The following USP37 variants were observed in gnomAD, a reference collection of about 807,000 sequenced individuals.
USP37 encodes ubiquitin carboxyl-terminal hydrolase 37.
Under a neutral mutation model 124.0 loss-of-function variants are expected in USP37, and 27 were observed. The ratio of observed to expected loss-of-function variants is 0.22; its 90% CI spans 0.16 to 0.30. The LOEUF is 0.30. USP37 is among the 10% of genes least tolerant of loss of function. The pLI is 1.00. For synonymous variants in USP37, 365 were observed against 388.0 expected, an observed-to-expected ratio of 0.94 and a Z score of 0.70; for missense variants, 889 against 1,140.4, an observed-to-expected ratio of 0.78 and a Z score of 3.17.
At chr2:218,543,957 T>C (rs571225016) in intron 8 of USP37, among the ~76,000 whole-genome samples, 1 of 152,190 alleles carries the variant, frequency 6.6e-6, no homozygotes, top group African/African-American at 2.4e-5. Flanking sequence ...AAGAGTTAAC[T>C]AGAGAGTCAG....
chr2:218,451,155 G>T lies in USP37; in HGVS notation c.*3775C>A, dbSNP rs2106400016. 6.6e-6 allele frequency: 1 copy of T among 152,206 alleles called. No homozygotes were observed. The highest frequency in any genetic ancestry group is 1.9e-4 in the East Asian group (1 of 5,202). 9.4% of individuals were successfully genotyped at this position (152,206 alleles called of 1,614,324 possible). On this transcript the variant is annotated 3_prime_UTR_variant, in exon 26 of 26. Transcript: ENST00000258399. Reference sequence around the variant, plus strand: ...TGCAATAAAAAGATGTTGGAGGGCAGAAGTCTATTTAGTTTTTGTATACAC... The same window carrying T: ...TGCAATAAAAAGATGTTGGAGGGCATAAGTCTATTTAGTTTTTGTATACAC...
intron 24 of USP37, 105 bp downstream of exon 24, chr2:218,456,983 AAAAG>A: frequency 1.7e-6 from 2 of 1,173,032 alleles, no homozygotes; most frequent in Non-Finnish European, 2.4e-6. Context: ...AAAAAAAAGA[AAAAG>A]AAAAAGAAAA....
At chr2:218,543,160 G>A (rs750223338) in intron 8 of USP37, among the ~76,000 whole-genome samples, 20 of 152,102 alleles carry the variant, frequency 1.3e-4, no homozygotes, top group Non-Finnish European at 2.6e-4. Flanking sequence ...TCCTATTTGA[G>A]ACATATAAAT....
Position 218,563,782 on chromosome 2 carries a change from G to A in USP37, c.-229-969C>T, listed in dbSNP as rs567947436. Among the ~76,000 whole-genome samples the A allele has an allele frequency of 2.5e-3, 379 of 152,248 alleles. 1 individual carries two copies. The highest frequency in any genetic ancestry group is 2.3e-3 in the Admixed American group (35 of 15,288). ...TAAGAAGCTCCTAGAGGCCAGGCAC[G>A]GTGGCTCACACCTGTAATCCCAGCA... On this transcript the variant is annotated intron_variant, in intron 1 of 25. Coordinates refer to ENST00000258399, the MANE Select transcript of USP37 (RefSeq NM_020935.3).
At chr2:218,458,861 G>A (rs985784024) in intron 23 of USP37, among the ~76,000 whole-genome samples, 1 of 151,958 alleles carries the variant, frequency 6.6e-6, no homozygotes, top group Non-Finnish European at 1.5e-5. Context: ...GAGCCCAGGA[G>A]TCTGAAGCCA....
At chr2:218,548,148 T>C (rs890688335) in intron 6 of USP37, among the ~76,000 whole-genome samples, 1 of 152,204 alleles carries the variant, frequency 6.6e-6, no homozygotes, top group African/African-American at 2.4e-5. Flanking sequence ...AGACCAATGA[T>C]AAGTCTCACT....
intron 20 of USP37, among the ~76,000 whole-genome samples, chr2:218,468,001 C>A (rs1305716975): frequency 1.3e-5 from 2 of 151,700 alleles, no homozygotes; most frequent in Admixed American, 6.6e-5. Flanking sequence ...GATTCTCCTG[C>A]CTCAGCCTCC....
chr2:218,488,875 T>G (rs1170995666), intron 14 of USP37, among the ~76,000 whole-genome samples: 2 of 152,064 alleles, frequency 1.3e-5, no homozygotes, highest in Non-Finnish European at 2.9e-5. Flanking sequence ...TCTCAGGTGA[T>G]TCTCCTGCCT....
rs554196186 is a variant in USP37, at chr2:218,480,772, C to T, written c.1836-1057G>A. Reference sequence around the variant, plus strand: ...TTGGCTTCAGGCCTGTGATCATACACTATTAGTGTGACATAGTACTACTGC... The same window carrying T: ...TTGGCTTCAGGCCTGTGATCATACATTATTAGTGTGACATAGTACTACTGC... On this transcript the variant is annotated intron_variant, in intron 17 of 25. Transcript: ENST00000258399. 2.0e-5 allele frequency among the ~76,000 whole-genome samples: 3 copies of T among 152,306 alleles called. No homozygotes were observed. In the South Asian group the frequency reaches 6.2e-4, roughly 32 times the overall value.
rs1693517516 is a variant in USP37, at chr2:218,565,136, T to C, written c.-229-2323A>G. ...TGGGGTTTTGCCATGTTGCCCAGGC[T>C]GGTATCGAACTCCGGGGCTCAAGCG... On this transcript the variant is annotated intron_variant, in intron 1 of 25. Transcript: ENST00000258399. Among the ~76,000 whole-genome samples the C allele has an allele frequency of 2.0e-5, 3 of 152,226 alleles. No individual in the cohort carries two copies. The South Asian group carries it at 6.2e-4, about 31-fold the overall frequency.
intron 8 of USP37, among the ~76,000 whole-genome samples, chr2:218,544,406 A>AAAATATAT (rs1312705279): frequency 3.6e-5 from 3 of 82,992 alleles, no homozygotes; most frequent in Admixed American, 1.5e-4. Flanking sequence ...AAAAAAAAAA[A>AAAATATAT]ATATATATAT....
chr2:218,566,422 C>G (rs563326905), intron 1 of USP37, among the ~76,000 whole-genome samples: 1 of 152,294 alleles, frequency 6.6e-6, no homozygotes, highest in East Asian at 1.9e-4. Context: ...CTAAATGTAA[C>G]AAGCACTTAC....
intron 14 of USP37, among the ~76,000 whole-genome samples, chr2:218,491,567 A>G (rs1330413157): frequency 6.6e-6 from 1 of 152,192 alleles, no homozygotes; most frequent in Non-Finnish European, 1.5e-5. Context: ...TGTTGTTTTA[A>G]GCTAATATGT....
chr2:218,562,585 T>C (rs1693365067), intron 2 of USP37, 88 bp downstream of exon 2: 2 of 395,488 alleles, frequency 5.1e-6, no homozygotes, highest in Non-Finnish European at 4.5e-6. Context: ...ACACAAAAAC[T>C]ATTACTACAA....
chr2:218,560,277 C>G (rs979022261), intron 3 of USP37, among the ~76,000 whole-genome samples: 1 of 152,066 alleles, frequency 6.6e-6, no homozygotes, highest in Non-Finnish European at 1.5e-5. Context: ...AACAGCTCAA[C>G]AAGAAAAGCC....
chr2:218,529,614 C>G (rs1245058666), intron 10 of USP37, among the ~76,000 whole-genome samples: 1 of 152,004 alleles, frequency 6.6e-6, no homozygotes, highest in Admixed American at 6.6e-5. Flanking sequence ...CTGGGCAACA[C>G]AGTGAGATCT....
chr2:218,483,655 T>A (rs1047671634), intron 16 of USP37, among the ~76,000 whole-genome samples: 1 of 151,840 alleles, frequency 6.6e-6, no homozygotes, highest in Non-Finnish European at 1.5e-5. Context: ...TTAGCATTTT[T>A]TTCCCCCCAC....
rs1358499703 is a variant in USP37, at chr2:218,545,970, C to T, written c.680+251G>A. Among the ~76,000 whole-genome samples, 7 of 152,074 alleles carry T rather than the reference C, an allele frequency of 4.6e-5. No homozygotes were observed. In the East Asian group the frequency reaches 1.3e-3, roughly 29 times the overall value. On this transcript the variant is annotated intron_variant, in intron 8 of 25. Coordinates refer to ENST00000258399, the MANE Select transcript of USP37 (RefSeq NM_020935.3). ...TTTAGAGTTCTTCAGTTCTATTCTC[C>T]CACTAAGTACTGCAGATTTAAGAAA...
chr2:218,566,466 G>T (rs1574974811), intron 1 of USP37, among the ~76,000 whole-genome samples: 1 of 152,212 alleles, frequency 6.6e-6, no homozygotes, highest in East Asian at 1.9e-4. Context: ...TTTAAGCAAA[G>T]AAATATGTTA....
Sources: allele counts gnomAD v4.1 joint callset (sites outside exome capture counted in the v4.1 genomes callset), GRCh38; gene constraint gnomAD v4.1.1; transcripts MANE v1.5; gene names NCBI Gene and HGNC (gene_info 2026-07-23, HGNC 2026-07-21).